LAMA2: variants seen among roughly 807,000 people sequenced by gnomAD.
LAMA2 encodes the protein laminin subunit alpha 2, also known as laminin subunit alpha-2.
A neutral mutation model predicts 364.8 loss-of-function variants in LAMA2; 269 were observed. The observed-to-expected ratio is 0.74, with a 90% CI of 0.67 to 0.82. The LOEUF (loss-of-function observed/expected upper bound fraction) is 0.82. Among genes scored for constraint, LAMA2 ranks in the 40% least tolerant of loss-of-function variants. LAMA2 has a pLI of 0.00. For missense variants in LAMA2, 3,807 were observed against 3,873.2 expected, an observed-to-expected ratio of 0.98 and a Z score of 0.45; for synonymous variants, 1,379 against 1,370.6, an observed-to-expected ratio of 1.01 and a Z score of -0.14.
At position 129,146,967 on chromosome 6, in the gene LAMA2, C is replaced by G. The variant is rs1028599119; in HGVS notation, c.828C>G (p.Tyr276Ter). 1 of 1,607,396 alleles carries G rather than the reference C, an allele frequency of 6.2e-7. No individual in the cohort carries two copies. Among genetic ancestry groups the G allele is most frequent in the Middle Eastern group, 1.7e-4 (1 of 6,044 alleles). ...TGGATTGCTTTTTGCAGTATTACTA[C>G]TCGGTCAAGGATATTTCAGTTGGAG... ...IDPIVTRRYYYSVKDISVGGM... is the reference protein window; with the variant it reads ...IDPIVTRRYY The change falls in exon 6 of 65, where the codon TAC (tyrosine) becomes TAG (stop). Residue 276 changes from tyrosine to a stop codon, truncating the protein, a stop_gained. Coordinates refer to ENST00000421865, the MANE Select transcript of LAMA2 (RefSeq NM_000426.4). LOFTEE classifies it high-confidence loss of function.
At chr6:128,960,799 T>C (rs1781438841) in intron 1 of LAMA2, among the ~76,000 whole-genome samples, 1 of 152,234 alleles carries the variant, frequency 6.6e-6, no homozygotes. Context: ...TTTTAAAAAT[T>C]AATATCTCAT....
intron 12 of LAMA2, among the ~76,000 whole-genome samples, chr6:129,228,659 C>G (rs1397646369): frequency 6.6e-6 from 1 of 152,128 alleles, no homozygotes; most frequent in East Asian, 1.9e-4. Flanking sequence ...ACCCTGAAGG[C>G]ATTTTTAATT....
Position 128,929,338 on chromosome 6 carries a change from A to C in LAMA2, c.112+45981A>C, listed in dbSNP as rs565696182. 6.1e-6 allele frequency: 7 copies of C among 1,142,916 alleles called. No homozygotes were observed. The South Asian group carries it at 8.6e-5, about 14-fold the overall frequency. 70.8% of individuals were successfully genotyped at this position (1,142,916 alleles called of 1,614,324 possible). A position where few individuals can be genotyped will look rare whatever the true frequency, so the allele number is the denominator to read the frequency against. ...TCTCACAGAGCCAAGTACACGGCCC[A>C]AAGACTGGGGTGAGACCTCGAGAGA... On this transcript the variant is annotated intron_variant, in intron 1 of 64. Transcript: ENST00000421865.
At chr6:129,170,458 T>A (rs943201374) in intron 9 of LAMA2, among the ~76,000 whole-genome samples, 3 of 123,904 alleles carry the variant, frequency 2.4e-5, no homozygotes, top group African/African-American at 4.6e-5. Context: ...TCAGTTTCCA[T>A]GTAGTTGAGC....
At chr6:129,154,913 T>G (rs1779018442) in intron 8 of LAMA2, among the ~76,000 whole-genome samples, 1 of 152,114 alleles carries the variant, frequency 6.6e-6, no homozygotes, top group African/African-American at 2.4e-5. Flanking sequence ...AGTCAAGGAG[T>G]GGACCCCTAG....
intron 1 of LAMA2, among the ~76,000 whole-genome samples, chr6:129,005,428 C>G (rs6913063): frequency 0.57 from 86,201 of 151,664 alleles, 28,697 homozygotes; most frequent in East Asian, 0.96. Flanking sequence ...TCTCATCAGG[C>G]TTTTTATTAT....
chr6:129,485,717 A>G (rs1298298054), intron 55 of LAMA2, among the ~76,000 whole-genome samples: 1 of 152,206 alleles, frequency 6.6e-6, no homozygotes, highest in Non-Finnish European at 1.5e-5. Context: ...ACGTAACTAC[A>G]TACATGATTT....
At chr6:128,906,646 C>G (rs1054178192) in intron 1 of LAMA2, among the ~76,000 whole-genome samples, 2 of 152,012 alleles carry the variant, frequency 1.3e-5, no homozygotes, top group Non-Finnish European at 2.9e-5. Flanking sequence ...TTAATTAGAT[C>G]CCATTTGTCC....
chr6:129,328,322 C>A lies in LAMA2; in HGVS notation c.4221C>A (p.Gly1407=). ...ATCGACTGCGTTCTCAACCAGGTGG[C>A]CGCACCCCTGGACCAACCCTGGGCA... ...GFYRLRSQPG[G]RTPGPTLGTC... is the part of the protein sequence containing the mutation. The change falls in exon 29 of 65, where the codon GGC becomes GGA. Residue 1407 remains glycine (G), a synonymous_variant. Coordinates refer to ENST00000421865, the MANE Select transcript of LAMA2 (RefSeq NM_000426.4). The A allele has an allele frequency of 6.2e-7, 1 of 1,614,176 alleles. No individual in the cohort carries two copies.
intron 34 of LAMA2, among the ~76,000 whole-genome samples, chr6:129,376,373 G>T (rs1018316593): frequency 6.6e-6 from 1 of 152,076 alleles, no homozygotes; most frequent in African/African-American, 2.4e-5. Flanking sequence ...GTGTAGTTTG[G>T]GATTACCACA....
chr6:129,440,875 A>G lies in LAMA2; in HGVS notation c.6145A>G (p.Lys2049Glu), dbSNP rs774208594. The G allele has an allele frequency of 3.1e-6, 5 of 1,613,826 alleles. No homozygotes were observed. The highest frequency in any genetic ancestry group is 4.2e-6 in the Non-Finnish European group (5 of 1,179,860). ...DKARQANDTAKDVLAQITELH... is the reference protein window; with the variant it reads ...DKARQANDTAEDVLAQITELH... ...AGCCAGACAAGCCAACGACACAGCT[A>G]AAGATGTACTGGCACAGATTACAGA... The change falls in exon 43 of 65, where the codon AAA becomes GAA. Residue 2049 changes from lysine to glutamate, a missense_variant. Coordinates refer to ENST00000421865, the MANE Select transcript of LAMA2 (RefSeq NM_000426.4).
intron 18 of LAMA2, among the ~76,000 whole-genome samples, chr6:129,282,559 G>A (rs950850442): frequency 6.6e-6 from 1 of 152,148 alleles, no homozygotes; most frequent in African/African-American, 2.4e-5. Flanking sequence ...ATGTCTGTGT[G>A]TATATGTTGA....
At chr6:129,232,178 C>T (rs1159484765) in intron 12 of LAMA2, among the ~76,000 whole-genome samples, 3 of 152,068 alleles carry the variant, frequency 2.0e-5, no homozygotes, top group South Asian at 4.2e-4. Context: ...TAATTTGTGT[C>T]GATATGTGCT....
chr6:129,028,522 G>A (rs1449940487), intron 1 of LAMA2, among the ~76,000 whole-genome samples: 3 of 151,782 alleles, frequency 2.0e-5, no homozygotes, highest in Non-Finnish European at 4.4e-5. Context: ...GGTAGACAAA[G>A]ACAAAATATA....
intron 1 of LAMA2, among the ~76,000 whole-genome samples, chr6:128,947,834 A>G (rs1194424916): frequency 6.6e-6 from 1 of 152,124 alleles, no homozygotes; most frequent in African/African-American, 2.4e-5. Context: ...AGGCTTAAGT[A>G]TCATTATAAT....
At chr6:129,167,732 G>A (rs993858823) in intron 9 of LAMA2, among the ~76,000 whole-genome samples, 2 of 152,252 alleles carry the variant, frequency 1.3e-5, no homozygotes, top group East Asian at 1.9e-4. Flanking sequence ...CTGAGGAATG[G>A]CCACACTGAC....
At chr6:129,509,131 G>T (rs1354391874) in intron 62 of LAMA2, among the ~76,000 whole-genome samples, 6 of 152,062 alleles carry the variant, frequency 3.9e-5, no homozygotes, top group African/African-American at 1.2e-4. Flanking sequence ...TGATATACCT[G>T]TTTTTCATCT....
chr6:129,070,466 G>T (rs1157007492), intron 3 of LAMA2, among the ~76,000 whole-genome samples: 8 of 151,980 alleles, frequency 5.3e-5, no homozygotes, highest in Admixed American at 3.9e-4. Flanking sequence ...TATATTTTTA[G>T]CACTTTATGG....
intron 1 of LAMA2, chr6:128,929,127 A>G (rs1779283654): frequency 7.0e-7 from 1 of 1,438,506 alleles, no homozygotes; most frequent in African/African-American, 1.4e-5. Flanking sequence ...AGATCCAAAA[A>G]CTCTGGATAG....
Sources: gnomAD v4.1 joint callset for allele counts (sites outside exome capture counted in the v4.1 genomes callset) on GRCh38, gnomAD v4.1.1 for gene constraint, MANE v1.5 for transcripts, NCBI Gene and HGNC (gene_info 2026-07-23, HGNC 2026-07-21) for gene names.